The following RPL28 variants were observed in gnomAD, a reference collection of about 807,000 sequenced individuals.
RPL28 encodes the protein ribosomal protein L28.
In RPL28, 4 loss-of-function variants were observed where a neutral mutation model predicts 12.5. That is an observed-to-expected ratio of 0.32 (90% CI 0.16 to 0.73). The LOEUF (loss-of-function observed/expected upper bound fraction) is 0.73, where lower values mean the gene tolerates loss of function less well. Ranked by LOEUF, RPL28 falls within the 30% of genes least tolerant of loss-of-function variation. RPL28 has a pLI of 0.66. For synonymous variants in RPL28, 91 were observed against 72.5 expected (o/e 1.26, Z -1.30); for missense variants, 214 against 197.7 (o/e 1.08, Z -0.49).
At chr19:55,394,654 C>T (rs766347888), downstream of RPL28, among the ~76,000 whole-genome samples, 5 of 151,950 alleles carry the variant, frequency 3.3e-5, no homozygotes, top group Admixed American at 1.3e-4. Flanking sequence ...TCTCTGTAGC[C>T]TTGAACTCCT....
Position 55,389,735 on chromosome 19 carries a change from C to A in RPL28, c.*1403C>A. The A allele has an allele frequency of 1.0e-6, 1 of 985,646 alleles. No homozygotes were observed. The highest frequency in any genetic ancestry group is 1.2e-6 in the Non-Finnish European group (1 of 830,070). 61.1% of individuals were successfully genotyped at this position (985,646 alleles called of 1,614,324 possible). A position where few individuals can be genotyped will look rare whatever the true frequency, so the allele number is the denominator to read the frequency against. On this transcript the variant is annotated 3_prime_UTR_variant, in exon 5 of 5. Transcript: ENST00000344063. The stretch of plus-strand genomic sequence containing the variant: ...GCTGTGAATTACCATTTCCTTTGTC[C>A]TTCCCTTAGTTGGGTCTATTAGCTC...
rs772700953 is a variant in RPL28 at position 55,386,441 on chromosome 19, A to G, written c.81+3A>G. On this transcript the variant is annotated splice_donor_region_variant and intron_variant, in intron 2 of 4. Transcript: ENST00000344063. The stretch of plus-strand genomic sequence containing the variant: ...GGAATAAGCAGACCTACAGCACTGT[A>G]AGTGGGGCCCGGATGCGTGGCTCCT... 14 of 1,613,720 alleles carry G rather than the reference A, an allele frequency of 8.7e-6. No homozygotes were observed. The African/African-American group carries it at 1.9e-4, about 22-fold the overall frequency.
Position 55,388,253 on chromosome 19 carries a change from GC to G in RPL28, c.336del (p.Arg113GlyfsTer12). On this transcript the variant is annotated frameshift_variant, in exon 5 of 5. Transcript: ENST00000344063. LOFTEE classifies it high-confidence loss of function. Reference sequence around the variant, plus strand: ...CTCCCCCGCCCCCAGGCAGCCATCCGCAGGGCCAGCGCCATCCTGCGCAGCC... The same window carrying G: ...CTCCCCCGCCCCCAGGCAGCCATCCGAGGGCCAGCGCCATCCTGCGCAGCC... ...YRPDLRMAAI[R>X]RASAILRSQK... 6.4e-7 allele frequency: 1 copy of G among 1,555,866 alleles called. No homozygotes were observed.
intron 3 of RPL28, 146 bp downstream of exon 3, chr19:55,386,839 C>T (rs1356530705): frequency 4.5e-6 from 7 of 1,569,240 alleles, no homozygotes; most frequent in Non-Finnish European, 5.2e-6. Context: ...ACCGGCTTCC[C>T]TCTCGGCCGA....
Position 55,388,776 on chromosome 19 carries a change from C to T in RPL28, c.*444C>T, listed in dbSNP as rs1022499625. ...AAGACCTGGGGGACGACAGACATCA[C>T]GGGAGGAAGATGAGATGACTTTTGC... On this transcript the variant is annotated 3_prime_UTR_variant, in exon 5 of 5. Transcript: ENST00000344063. 15 of 998,322 alleles carry T rather than the reference C, an allele frequency of 1.5e-5. No homozygotes were observed. The highest frequency in any genetic ancestry group is 2.1e-4 in the East Asian group (2 of 9,556). 61.8% of individuals were successfully genotyped at this position (998,322 alleles called of 1,614,324 possible). A position where few individuals can be genotyped will look rare whatever the true frequency, so the allele number is the denominator to read the frequency against.
chr19:55,402,286 T>C (rs2090065619), intron 4 of RPL28, among the ~76,000 whole-genome samples: 1 of 152,212 alleles, frequency 6.6e-6, no homozygotes, highest in African/African-American at 2.4e-5. Flanking sequence ...ACAGCATAAA[T>C]CCTGACCTCT....
At chr19:55,396,649 T>TGGTGCAATCTC (rs2090025909), downstream of RPL28, among the ~76,000 whole-genome samples, 1 of 137,342 alleles carries the variant, frequency 7.3e-6, no homozygotes, top group South Asian at 2.5e-4. Context: ...TGGAGTGCAG[T>TGGTGCAATCTC]GGCTCACTGC....
At position 55,390,413 on chromosome 19, in the gene RPL28, C is replaced by T; in HGVS notation, c.*2081C>T. 1.1e-6 allele frequency: 1 copy of T among 951,908 alleles called. No homozygotes were observed. The highest frequency in any genetic ancestry group is 1.3e-6 in the Non-Finnish European group (1 of 799,672). The allele number at this position is 951,908 out of a possible 1,614,324, so 59.0% of individuals were successfully genotyped here. On this transcript the variant is annotated 3_prime_UTR_variant, in exon 5 of 5. Transcript: ENST00000344063. ...AGAGATGGGGTTTCACCATTTTGCC[C>T]AGGCTGGTTTGGAACTCCTGACTTC...
intron 3 of RPL28, 46 bp from the exon 4 acceptor site, chr19:55,387,884 G>A: frequency 1.3e-6 from 2 of 1,518,752 alleles, no homozygotes; most frequent in African/African-American, 1.4e-5. Flanking sequence ...TGCTAAAGGT[G>A]CAGGTTAGGT....
Position 55,389,636 on chromosome 19 carries a change from G to A in RPL28, c.*1304G>A, listed in dbSNP as rs898270063. The A allele has an allele frequency of 1.3e-5, 13 of 985,368 alleles. No individual in the cohort carries two copies. The highest frequency in any genetic ancestry group is 1.2e-4 in the African/African-American group (7 of 57,232). The allele number at this position is 985,368 out of a possible 1,614,324, so 61.0% of individuals were successfully genotyped here. A position where few individuals can be genotyped will look rare whatever the true frequency, so the allele number is the denominator to read the frequency against. On this transcript the variant is annotated 3_prime_UTR_variant, in exon 5 of 5. Transcript: ENST00000344063. ...TTTTGAGGCAGACCACTGCCCTTCC[G>A]ACCTCAGTCCTGTCTGCTCCAGTCT... is the stretch of plus-strand genomic sequence containing the variant.
rs1321965288 is a variant in RPL28, at chr19:55,391,002, G to C, written c.*2670G>C. The C allele has an allele frequency of 1.0e-6, 1 of 972,512 alleles. No individual in the cohort carries two copies. Among genetic ancestry groups the C allele is most frequent in the East Asian group, 1.1e-4 (1 of 8,740 alleles). The allele number at this position is 972,512 out of a possible 1,614,324, so 60.2% of individuals were successfully genotyped here. ...AACATGATATTAAGAAAACAGGCAG[G>C]CTCACCATAGTAAAAATGCTGAAAG... On this transcript the variant is annotated 3_prime_UTR_variant, in exon 5 of 5. Transcript: ENST00000344063.
chr19:55,396,168 G>A (rs1304208409), downstream of RPL28, among the ~76,000 whole-genome samples: 1 of 151,492 alleles, frequency 6.6e-6, no homozygotes, highest in African/African-American at 2.4e-5. Flanking sequence ...TTCCTTGGGA[G>A]GCTGAGATTG....
chr19:55,388,243 G>A lies in RPL28; in HGVS notation c.325G>A (p.Ala109Thr). ...CCTTGCTCTGCTCCCCCGCCCCCAG[G>A]CAGCCATCCGCAGGGCCAGCGCCAT... Reference protein sequence around the residue: ...KNKYRPDLRMAAIRRASAILR... With the variant: ...KNKYRPDLRMTAIRRASAILR... Residue 109 changes from alanine (A) to threonine (T), a missense_variant and splice_region_variant, in exon 5 of 5, where the codon GCA (alanine) becomes ACA (threonine). Ala to Thr is a moderately conservative substitution (Grantham distance 58). Transcript: ENST00000344063. 6.5e-7 allele frequency: 1 copy of A among 1,545,368 alleles called. No individual in the cohort carries two copies. Among genetic ancestry groups the A allele is most frequent in the African/African-American group, 1.4e-5 (1 of 72,530 alleles).
At chr19:55,386,194 C>T in intron 1 of RPL28, 156 bp from the exon 2 acceptor site, 1 of 672,768 alleles carries the variant, frequency 1.5e-6, no homozygotes, top group Non-Finnish European at 2.6e-6. Flanking sequence ...TCAGTCCCGC[C>T]TGACAAGAGT....
downstream of RPL28, among the ~76,000 whole-genome samples, chr19:55,396,615 C>G (rs113876540): frequency 1.0e-5 from 1 of 99,970 alleles, no homozygotes; most frequent in Admixed American, 1.1e-4. Context: ...TTTTTTGAGA[C>G]GAGTCTCACT....
chr19:55,396,013 C>A (rs984518580), downstream of RPL28, among the ~76,000 whole-genome samples: 1 of 152,054 alleles, frequency 6.6e-6, no homozygotes, highest in African/African-American at 2.4e-5. Context: ...CGCGGTGGCA[C>A]ATGCCTGTTA....
downstream of RPL28, chr19:55,403,324 C>T: frequency 1.9e-6 from 1 of 537,074 alleles, no homozygotes; most frequent in Non-Finnish European, 3.3e-6. Flanking sequence ...CTCTGCAAAC[C>T]ATAAAAATAT....
downstream of RPL28, among the ~76,000 whole-genome samples, chr19:55,394,773 T>G (rs1195740710): frequency 6.6e-6 from 1 of 151,810 alleles, no homozygotes; most frequent in African/African-American, 2.4e-5. Flanking sequence ...ACGATCTCAC[T>G]ATGTTGTCCA....
rs1266460868 is a variant in RPL28, at chr19:55,391,115, A to G, written c.*2783A>G. On this transcript the variant is annotated 3_prime_UTR_variant, in exon 5 of 5. Transcript: ENST00000344063. ...AAGTTAGTAGCTGCCCTCATCAGAAACCAGGCCCAGGCAGTGGGGACACAT... is the reference window on the plus strand; with the variant it reads ...AAGTTAGTAGCTGCCCTCATCAGAAGCCAGGCCCAGGCAGTGGGGACACAT... 3.2e-6 allele frequency: 1 copy of G among 309,514 alleles called. No homozygotes were observed. Among genetic ancestry groups the G allele is most frequent in the Non-Finnish European group, 4.7e-6 (1 of 210,982 alleles). The allele number at this position is 309,514 out of a possible 1,614,324, so 19.2% of individuals were successfully genotyped here. A position where few individuals can be genotyped will look rare whatever the true frequency, so the allele number is the denominator to read the frequency against.
Sources: allele counts gnomAD v4.1 joint callset (sites outside exome capture counted in the v4.1 genomes callset), GRCh38; gene constraint gnomAD v4.1.1; transcripts MANE v1.5; gene names NCBI Gene and HGNC (gene_info 2026-07-23, HGNC 2026-07-21).